Variants in CREB5 observed in about 807,000 individuals in gnomAD.
The protein encoded by CREB5 is cAMP responsive element binding protein 5.
In CREB5, 19 loss-of-function variants were observed where a neutral mutation model predicts 57.1. The observed-to-expected ratio is 0.33, with a 90% confidence interval of 0.23 to 0.49. CREB5 has a LOEUF of 0.49. CREB5 is among the 20% of genes least tolerant of loss of function. CREB5 has a pLI of 0.99. For missense variants in CREB5, 579 were observed against 671.6 expected (o/e 0.86, Z 1.52); for synonymous variants, 238 against 238.3 (o/e 1.00, Z 0.01).
intron 5 of CREB5, among the ~76,000 whole-genome samples, chr7:28,630,178 G>T (rs1798150936): frequency 6.6e-6 from 1 of 152,180 alleles, no homozygotes; most frequent in Non-Finnish European, 1.5e-5. Flanking sequence ...TCTACCCATA[G>T]GACTTAGTTC....
intron 4 of CREB5, among the ~76,000 whole-genome samples, chr7:28,535,340 AAGG>A (rs1361702921): frequency 7.3e-6 from 1 of 137,054 alleles, no homozygotes; most frequent in Non-Finnish European, 1.6e-5. Context: ...GGAAGGAAAG[AAGG>A]AGGGAAGGAT....
At chr7:28,800,183 T>A (rs1808282126) in intron 7 of CREB5, among the ~76,000 whole-genome samples, 1 of 152,182 alleles carries the variant, frequency 6.6e-6, no homozygotes, top group African/African-American at 2.4e-5. Flanking sequence ...TAGGACCATA[T>A]AACAACAGGA....
At chr7:28,389,001 T>G (rs1787161176) in intron 1 of CREB5, among the ~76,000 whole-genome samples, 1 of 152,178 alleles carries the variant, frequency 6.6e-6, no homozygotes, top group African/African-American at 2.4e-5. Flanking sequence ...ACATCCTGGT[T>G]TCTAAGTTTG....
intron 6 of CREB5, among the ~76,000 whole-genome samples, chr7:28,721,331 G>A (rs1205171787): frequency 6.6e-6 from 1 of 152,168 alleles, no homozygotes; most frequent in Non-Finnish European, 1.5e-5. Flanking sequence ...AGAAGCCCTG[G>A]TCTTGAGTGA....
intron 7 of CREB5, among the ~76,000 whole-genome samples, chr7:28,762,027 A>G (rs908009662): frequency 2.0e-5 from 3 of 152,176 alleles, no homozygotes; most frequent in African/African-American, 7.2e-5. Context: ...AACTTCCAGC[A>G]GAAGAAAGTT....
At chr7:28,322,900 A>G (rs35073555) in intron 1 of CREB5, among the ~76,000 whole-genome samples, 32,569 of 151,884 alleles carry the variant, frequency 0.21, 3,587 homozygotes, top group Non-Finnish European at 0.24. Flanking sequence ...TTCTTCCACC[A>G]TGTCCCCTCC....
chr7:28,517,879 T>A (rs1240960066), intron 4 of CREB5, among the ~76,000 whole-genome samples: 1 of 152,188 alleles, frequency 6.6e-6, no homozygotes, highest in Admixed American at 6.5e-5. Context: ...CCAAAAGGAC[T>A]TTACTTTCAG....
At chr7:28,590,686 TA>T (rs1180542058) in intron 5 of CREB5, among the ~76,000 whole-genome samples, 6 of 148,298 alleles carry the variant, frequency 4.0e-5, no homozygotes, top group South Asian at 4.2e-4. Context: ...ATAATAATAA[TA>T]ATAATAATAA....
intron 7 of CREB5, among the ~76,000 whole-genome samples, chr7:28,778,305 A>C (rs1292170226): frequency 6.6e-6 from 1 of 152,236 alleles, no homozygotes; most frequent in Non-Finnish European, 1.5e-5. Flanking sequence ...TAGCTTTTGA[A>C]TTAAAAGCAG....
At chr7:28,647,598 T>C (rs1798936781) in intron 5 of CREB5, among the ~76,000 whole-genome samples, 1 of 152,212 alleles carries the variant, frequency 6.6e-6, no homozygotes, top group African/African-American at 2.4e-5. Flanking sequence ...CTGCAACTTC[T>C]GGAGAAATTA....
intron 1 of CREB5, among the ~76,000 whole-genome samples, chr7:28,346,380 C>G (rs1786058224): frequency 6.6e-6 from 1 of 152,224 alleles, no homozygotes; most frequent in African/African-American, 2.4e-5. Flanking sequence ...AAGGAATGAG[C>G]TAGCTCTCTG....
chr7:28,396,601 T>A (rs1209481011), intron 1 of CREB5, among the ~76,000 whole-genome samples: 1 of 152,212 alleles, frequency 6.6e-6, no homozygotes, highest in Non-Finnish European at 1.5e-5. Flanking sequence ...GGATATTATT[T>A]AAGTACTTAA....
intron 7 of CREB5, among the ~76,000 whole-genome samples, chr7:28,748,381 G>T (rs1804793097): frequency 6.6e-6 from 1 of 152,168 alleles, no homozygotes; most frequent in Non-Finnish European, 1.5e-5. Context: ...CTATGAGGAA[G>T]AACAATGTGT....
chr7:28,414,382 T>C (rs1438115312), intron 1 of CREB5, among the ~76,000 whole-genome samples: 1 of 152,124 alleles, frequency 6.6e-6, no homozygotes, highest in Non-Finnish European at 1.5e-5. Flanking sequence ...AGCTGTATTA[T>C]GGGAATCAAC....
chr7:28,712,603 G>A (rs377220242), intron 5 of CREB5, among the ~76,000 whole-genome samples: 58 of 145,064 alleles, frequency 4.0e-4, no homozygotes, highest in African/African-American at 1.4e-3. Flanking sequence ...GAGTGATCTC[G>A]GCTCACTGCA....
intron 5 of CREB5, among the ~76,000 whole-genome samples, chr7:28,645,250 G>A (rs572065787): frequency 6.6e-6 from 1 of 152,176 alleles, no homozygotes; most frequent in Non-Finnish European, 1.5e-5. Context: ...AATTACTATG[G>A]TGATAAAATC....
At chr7:28,768,502 G>T (rs1806127399) in intron 7 of CREB5, among the ~76,000 whole-genome samples, 1 of 152,220 alleles carries the variant, frequency 6.6e-6, no homozygotes, top group Non-Finnish European at 1.5e-5. Context: ...AGTGTGAGAA[G>T]GGAGTTAGAG....
At chr7:28,591,459 T>C (rs1488375845) in intron 5 of CREB5, among the ~76,000 whole-genome samples, 2 of 152,204 alleles carry the variant, frequency 1.3e-5, no homozygotes, top group African/African-American at 4.8e-5. Flanking sequence ...AAAACCTTTG[T>C]AGATTTGCTA....
At chr7:28,754,022 C>T (rs1206335085) in intron 7 of CREB5, among the ~76,000 whole-genome samples, 2 of 150,266 alleles carry the variant, frequency 1.3e-5, no homozygotes, top group East Asian at 3.9e-4. Context: ...CATCAAATTA[C>T]AGAAAGCCAA....
Sources: allele counts gnomAD v4.1 joint callset (sites outside exome capture counted in the v4.1 genomes callset), GRCh38; gene constraint gnomAD v4.1.1; transcripts MANE v1.5; gene names NCBI Gene and HGNC (gene_info 2026-07-23, HGNC 2026-07-21).